Variants in ZNF99 observed in about 807,000 individuals in gnomAD.
ZNF99 encodes zinc finger protein ENSP00000375192.
ZNF99 carries 8 observed loss-of-function variants against 12.8 expected under a neutral mutation model. That is an observed-to-expected ratio of 0.62 (90% CI 0.37 to 1.13). The LOEUF is 1.13. Among genes scored for constraint, ZNF99 ranks in the 50% most tolerant of loss-of-function variants. The pLI, the probability that ZNF99 is intolerant of heterozygous loss-of-function variation, is 0.02. For missense variants in ZNF99, 1,007 were observed against 1,006.2 expected, an observed-to-expected ratio of 1.00 and a Z score of -0.01; for synonymous variants, 318 against 319.0, an observed-to-expected ratio of 1.00 and a Z score of 0.03.
At chr19:22,777,432 T>C (rs1382039994) in intron 1 of ZNF99, among the ~76,000 whole-genome samples, 2 of 152,194 alleles carry the variant, frequency 1.3e-5, no homozygotes. Context: ...TGTGTGGTGC[T>C]GTGCTTAATA....
chr19:22,756,776 ATT>A lies in ZNF99; in HGVS notation c.*536_*537del. 6.2e-7 allele frequency: 1 copy of A among 1,610,798 alleles called. No individual in the cohort carries two copies. ...GAGGAATTGTTAAAAGCTTTGCCAC[ATT>A]CTTCACATTTGTAGGGTTTCTTTCC... On this transcript the variant is annotated 3_prime_UTR_variant, in exon 4 of 4. Transcript: ENST00000596209.
rs1467624496 is a variant in ZNF99, at chr19:22,756,645, T to C, written c.*669A>G. 1 of 1,591,948 alleles carries C rather than the reference T, an allele frequency of 6.3e-7. No individual in the cohort carries two copies. Among genetic ancestry groups the C allele is most frequent in the South Asian group, 1.1e-5 (1 of 89,898 alleles). The stretch of plus-strand genomic sequence containing the variant: ...TGTACGGTTTCTCCCCAGTATGAAT[T>C]ATCTTATGTTTCATAAGGGTCGAGA... On this transcript the variant is annotated 3_prime_UTR_variant, in exon 4 of 4. Transcript: ENST00000596209.
At chr19:22,773,145 A>G (rs1668318775) in intron 1 of ZNF99, among the ~76,000 whole-genome samples, 1 of 152,212 alleles carries the variant, frequency 6.6e-6, no homozygotes, top group South Asian at 2.1e-4. Flanking sequence ...CTGCCTGCAT[A>G]TTTAGGGGAC....
At chr19:22,762,237 A>C (rs1297816576) in intron 3 of ZNF99, among the ~76,000 whole-genome samples, 3 of 152,172 alleles carry the variant, frequency 2.0e-5, no homozygotes, top group Admixed American at 1.3e-4. Context: ...CAATTGATAG[A>C]CCATTAGCAA....
intron 1 of ZNF99, among the ~76,000 whole-genome samples, chr19:22,773,054 T>G (rs1018871456): frequency 6.6e-6 from 1 of 152,170 alleles, no homozygotes; most frequent in African/African-American, 2.4e-5. Flanking sequence ...TGCTGCCCTG[T>G]GAAGTTTGTA....
At chr19:22,765,693 G>A (rs1255021656) in intron 3 of ZNF99, among the ~76,000 whole-genome samples, 2 of 148,598 alleles carry the variant, frequency 1.3e-5, no homozygotes, top group Non-Finnish European at 3.0e-5. Context: ...AAAAAAAAAA[G>A]CTACATGGTG....
At chr19:22,760,171 G>A (rs56791875) in intron 3 of ZNF99, among the ~76,000 whole-genome samples, 23,140 of 152,094 alleles carry the variant, frequency 0.15, 1,788 homozygotes, top group East Asian at 0.18. Context: ...GGTGGCACAC[G>A]TCTGTAGTCT....
intron 1 of ZNF99, among the ~76,000 whole-genome samples, chr19:22,782,550 T>C (rs549932933): frequency 8.6e-5 from 13 of 151,496 alleles, no homozygotes; most frequent in African/African-American, 2.9e-4. Context: ...TTAGTAGAGA[T>C]GGGGTTTCTC....
chr19:22,759,272 A>C lies in ZNF99; in HGVS notation c.637T>G (p.Phe213Val), dbSNP rs767523984. The C allele has an allele frequency of 6.4e-7, 1 of 1,551,530 alleles. No individual in the cohort carries two copies. The highest frequency in any genetic ancestry group is 8.7e-7 in the Non-Finnish European group (1 of 1,148,928). The change falls in exon 4 of 4, where the codon TTC (phenylalanine) becomes GTC (valine). Residue 213 changes from phenylalanine to valine, a missense_variant. By Grantham distance (50) the Phe-to-Val change is conservative. Coordinates refer to ENST00000596209, the MANE Select transcript of ZNF99 (RefSeq NM_001080409.3). ...ATCTTATGTTTAATAAGGGTTGAGA[A>C]CCATTTAAAGGCTTTGCCACGTTCT... is the stretch of plus-strand genomic sequence containing the variant. ...CEERGKAFKW[F>V]STLIKHKIIH...
At position 22,753,542 on chromosome 19, in the gene ZNF99, T is replaced by C. The variant is rs1211031269; in HGVS notation, c.*3772A>G. 6.6e-6 allele frequency: 1 copy of C among 152,184 alleles called. No individual in the cohort carries two copies. The highest frequency in any genetic ancestry group is 1.9e-4 in the East Asian group (1 of 5,200). The allele number at this position is 152,184 out of a possible 1,614,324, so 9.4% of individuals were successfully genotyped here. On this transcript the variant is annotated 3_prime_UTR_variant, in exon 4 of 4. Transcript: ENST00000596209. ...TGATATTGAACAAAGTTTGAGCAAC[T>C]TTAGGGTTTTTCTCTAGCACAAAAT...
rs371865657 is a variant in ZNF99, at chr19:22,758,522, T to C, written c.1387A>G (p.Ser463Gly). 5.1e-5 allele frequency: 82 copies of C among 1,613,214 alleles called. No individual in the cohort carries two copies. The highest frequency in any genetic ancestry group is 6.4e-5 in the Non-Finnish European group (75 of 1,179,610). Residue 463 changes from serine (S) to glycine (G), a missense_variant, in exon 4 of 4, where the codon AGC (serine) becomes GGC (glycine). Coordinates refer to ENST00000596209, the MANE Select transcript of ZNF99 (RefSeq NM_001080409.3). ...TGTTTTCTAAGGGCTGAAAAATTGC[T>C]AAAAGCTTTGCTGCATTCTTCACAT... ...YKCEECSKAFSNFSALRKHEI... is the reference protein window; with the variant it reads ...YKCEECSKAFGNFSALRKHEI...
Position 22,756,323 on chromosome 19 carries a change from T to G in ZNF99, c.*991A>C. 6.3e-7 allele frequency: 1 copy of G among 1,577,686 alleles called. No individual in the cohort carries two copies. Among genetic ancestry groups the G allele is most frequent in the Non-Finnish European group, 8.6e-7 (1 of 1,162,018 alleles). On this transcript the variant is annotated 3_prime_UTR_variant, in exon 4 of 4. Transcript: ENST00000596209. ...CCCTCCAGTATGAATTGTTTTATGTTGAGTAAGGTGTGAGGACTGGTTAAA... is the reference window on the plus strand; with the variant it reads ...CCCTCCAGTATGAATTGTTTTATGTGGAGTAAGGTGTGAGGACTGGTTAAA...
chr19:22,778,020 G>T (rs181429594), intron 1 of ZNF99, among the ~76,000 whole-genome samples: 27 of 117,500 alleles, frequency 2.3e-4, no homozygotes, highest in Non-Finnish European at 2.8e-4. Flanking sequence ...TCGTGGGGTG[G>T]GGGGAGGGGG....
In ZNF99 at chr19:22,759,055, T is replaced by C. The variant is rs1395545129; in HGVS notation, c.854A>G (p.Tyr285Cys). The change falls in exon 4 of 4, where the codon TAT becomes TGT. Residue 285 changes from tyrosine to cysteine, a missense_variant. By Grantham distance (194) the Tyr-to-Cys change is radical. Transcript: ENST00000596209. ...HKIIHTGKKP[Y>C]KCEECGKAFK... is the part of the protein sequence containing the mutation. ...AGCTTTGCCACATTCTTCACATTTA[T>C]ATGGTTTCTTCCCAGTATGAATTAT... 6.2e-7 allele frequency: 1 copy of C among 1,613,648 alleles called. No homozygotes were observed. Among genetic ancestry groups the C allele is most frequent in the Non-Finnish European group, 8.5e-7 (1 of 1,179,814 alleles).
In ZNF99 at chr19:22,753,341, T is replaced by C. The variant is rs1301908673; in HGVS notation, c.*3973A>G. On this transcript the variant is annotated 3_prime_UTR_variant, in exon 4 of 4. Transcript: ENST00000596209. ...GATTTAGTGTAGTCTGAAGTGCCAGTGCCTTATCATTTCTACTGTGAATTC... is the reference window on the plus strand; with the variant it reads ...GATTTAGTGTAGTCTGAAGTGCCAGCGCCTTATCATTTCTACTGTGAATTC... 1 of 152,102 alleles carries C rather than the reference T, an allele frequency of 6.6e-6. No homozygotes were observed. The highest frequency in any genetic ancestry group is 1.5e-5 in the Non-Finnish European group (1 of 67,986). 9.4% of individuals were successfully genotyped at this position (152,102 alleles called of 1,614,324 possible).
At chr19:22,769,394 A>G in intron 1 of ZNF99, 70 bp from the exon 2 acceptor site, 1 of 1,507,460 alleles carries the variant, frequency 6.6e-7, no homozygotes, top group Non-Finnish European at 9.0e-7. Flanking sequence ...ATTTGACTCA[A>G]GGTGAAATGA....
chr19:22,769,243 A>C lies in ZNF99; in HGVS notation c.85T>G (p.Tyr29Asp). The change falls in exon 2 of 4, where the codon TAT (tyrosine) becomes GAT (aspartate). Residue 29 changes from tyrosine to aspartate, a missense_variant. Transcript: ENST00000596209. ...QCLDMAQQNL[Y>D]RNVMLENYRN... ...TAGTTCTCTAACATAACATTCCTAT[A>C]TAAATTCTGCTGAGCCATGTCCAGG... 1 of 1,610,124 alleles carries C rather than the reference A, an allele frequency of 6.2e-7. No homozygotes were observed. Among genetic ancestry groups the C allele is most frequent in the African/African-American group, 1.3e-5 (1 of 74,952 alleles).
chr19:22,755,002 C>T lies in ZNF99; in HGVS notation c.*2312G>A, dbSNP rs189610020. 4.0e-3 allele frequency: 663 copies of T among 164,992 alleles called. 8 individuals are homozygous for T. Among genetic ancestry groups the T allele is most frequent in the African/African-American group, 0.016 (631 of 40,050 alleles). The allele number at this position is 164,992 out of a possible 1,614,324, so 10.2% of individuals were successfully genotyped here. ...GAGAATCGCTTGAAAACCCAGGAGG[C>T]GGAGGTTGCAGTGAGCCGAGATTGT... On this transcript the variant is annotated 3_prime_UTR_variant, in exon 4 of 4. Transcript: ENST00000596209.
chr19:22,758,578 T>C lies in ZNF99; in HGVS notation c.1331A>G (p.Lys444Arg), dbSNP rs754453852. 6.2e-7 allele frequency: 1 copy of C among 1,613,448 alleles called. No homozygotes were observed. ...GGGTTGCTTTCCAGTATGAATTATC[T>C]TATGTTTTCTAAGGGCTGAGAAACG... ...FKRFSALRKHKIIHTGKQPYK... is the reference protein window; with the variant it reads ...FKRFSALRKHRIIHTGKQPYK... The change falls in exon 4 of 4, where the codon AAG (lysine) becomes AGG (arginine). Residue 444 changes from lysine (K) to arginine (R), a missense_variant. Lys to Arg is a conservative substitution (Grantham distance 26). Coordinates refer to ENST00000596209, the MANE Select transcript of ZNF99 (RefSeq NM_001080409.3).
Sources: gnomAD v4.1 joint callset for allele counts (sites outside exome capture counted in the v4.1 genomes callset) on GRCh38, gnomAD v4.1.1 for gene constraint, MANE v1.5 for transcripts, NCBI Gene and HGNC (gene_info 2026-07-23, HGNC 2026-07-21) for gene names.